INPP4B: variants seen among roughly 807,000 people sequenced by gnomAD.
The protein encoded by INPP4B is inositol polyphosphate 4-phosphatase type II.
Under a neutral mutation model 122.5 loss-of-function variants are expected in INPP4B, and 55 were observed. The ratio of observed to expected loss-of-function variants is 0.45; its 90% CI spans 0.36 to 0.56. INPP4B has a LOEUF of 0.56. INPP4B is among the 20% of genes least tolerant of loss of function. INPP4B has a pLI of 0.00. For missense variants in INPP4B, 1,000 were observed against 1,097.7 expected (o/e 0.91, Z 1.26); for synonymous variants, 403 against 388.7 (o/e 1.04, Z -0.43).
chr4:142,226,858 T>A (rs1851815803), intron 12 of INPP4B, among the ~76,000 whole-genome samples: 1 of 152,206 alleles, frequency 6.6e-6, no homozygotes, highest in East Asian at 1.9e-4. Context: ...AAGGACATGT[T>A]CTACACTCCT....
chr4:142,202,096 A>G (rs1420722393), intron 14 of INPP4B, among the ~76,000 whole-genome samples: 1 of 152,028 alleles, frequency 6.6e-6, no homozygotes, highest in Non-Finnish European at 1.5e-5. Flanking sequence ...CTTTGTGAAA[A>G]TTGCATAGTA....
At chr4:142,449,175 C>T (rs1418313600) in intron 3 of INPP4B, among the ~76,000 whole-genome samples, 2 of 152,152 alleles carry the variant, frequency 1.3e-5, no homozygotes, top group African/African-American at 2.4e-5. Context: ...GGCAACCATT[C>T]CAGCTGCAGA....
intron 7 of INPP4B, among the ~76,000 whole-genome samples, chr4:142,369,448 T>C (rs1157539072): frequency 6.6e-6 from 1 of 151,518 alleles, no homozygotes; most frequent in African/African-American, 2.4e-5. Context: ...CGTGGTGGCA[T>C]GCCTGTAGTC....
rs1579678209 is a variant in INPP4B, at chr4:142,305,887, G to A, written c.424-350C>T. On this transcript the variant is annotated intron_variant, in intron 8 of 25. Coordinates refer to ENST00000262992, the MANE Select transcript of INPP4B (RefSeq NM_001101669.3). ...ATTTTCCATATTTACCAATGCTGTT[G>A]TTCCTCTTATTAGAATTCCTCAAAT... 3.8e-6 allele frequency: 4 copies of A among 1,060,242 alleles called. No individual in the cohort carries two copies. The South Asian group carries it at 8.5e-5, about 22-fold the overall frequency. The allele number at this position is 1,060,242 out of a possible 1,614,324, so 65.7% of individuals were successfully genotyped here.
At chr4:142,059,420 A>T (rs2152429569) in intron 25 of INPP4B, among the ~76,000 whole-genome samples, 1 of 152,230 alleles carries the variant, frequency 6.6e-6, no homozygotes, top group South Asian at 2.1e-4. Context: ...TTCGTACTTA[A>T]TACCCTAAAA....
chr4:142,046,192 A>G (rs985365738), intron 25 of INPP4B, among the ~76,000 whole-genome samples: 1 of 152,168 alleles, frequency 6.6e-6, no homozygotes, highest in Non-Finnish European at 1.5e-5. Flanking sequence ...AAAAAGTGTT[A>G]TTTATAGCAA....
At chr4:142,692,471 C>T (rs993051942) in intron 2 of INPP4B, among the ~76,000 whole-genome samples, 1 of 152,132 alleles carries the variant, frequency 6.6e-6, no homozygotes, top group Non-Finnish European at 1.5e-5. Context: ...GAGGCCTAGA[C>T]GGGAGGATCG....
intron 1 of INPP4B, among the ~76,000 whole-genome samples, chr4:142,781,971 T>A (rs993650931): frequency 1.3e-5 from 2 of 149,892 alleles, no homozygotes; most frequent in Admixed American, 6.6e-5. Context: ...TTATTTTTTT[T>A]ATTTTTTAAT....
At chr4:142,486,622 C>G (rs371861148) in intron 2 of INPP4B, among the ~76,000 whole-genome samples, 1 of 151,966 alleles carries the variant, frequency 6.6e-6, no homozygotes, top group Admixed American at 6.6e-5. Context: ...TATAGAAACT[C>G]TAATTTATCA....
intron 16 of INPP4B, among the ~76,000 whole-genome samples, chr4:142,171,162 T>C (rs1825449249): frequency 6.6e-6 from 1 of 151,300 alleles, no homozygotes; most frequent in African/African-American, 2.4e-5. Context: ...CAAAATAGAA[T>C]ACCTCCTTCT....
intron 2 of INPP4B, among the ~76,000 whole-genome samples, chr4:142,626,464 C>A (rs1022510232): frequency 1.3e-5 from 2 of 151,920 alleles, no homozygotes; most frequent in African/African-American, 4.8e-5. Flanking sequence ...CTGAGATCAA[C>A]CCCCAGCCAA....
At chr4:142,032,357 C>A (rs1465309457) in intron 25 of INPP4B, among the ~76,000 whole-genome samples, 1 of 151,902 alleles carries the variant, frequency 6.6e-6, no homozygotes, top group East Asian at 1.9e-4. Flanking sequence ...CAGTTATGGA[C>A]CCCATTTCCA....
chr4:142,673,035 G>A (rs1349919966), intron 2 of INPP4B, among the ~76,000 whole-genome samples: 1 of 152,016 alleles, frequency 6.6e-6, no homozygotes, highest in African/African-American at 2.4e-5. Context: ...ACATCACATG[G>A]CCATCCTACT....
intron 23 of INPP4B, among the ~76,000 whole-genome samples, chr4:142,088,348 C>T (rs1400502178): frequency 6.6e-6 from 1 of 152,084 alleles, no homozygotes; most frequent in South Asian, 2.1e-4. Flanking sequence ...TAAATGGCAA[C>T]CAAAACAAAC....
Position 142,624,535 on chromosome 4 carries a change from G to T in INPP4B, c.-191+101304C>A, listed in dbSNP as rs571058236. On this transcript the variant is annotated intron_variant, in intron 2 of 25. Coordinates refer to ENST00000262992, the MANE Select transcript of INPP4B (RefSeq NM_001101669.3). ...TCCAGGACCAGATGGATTCACAGCCGAATTCTATCAGAGGTACAAGAAGGA... is the reference window on the plus strand; with the variant it reads ...TCCAGGACCAGATGGATTCACAGCCTAATTCTATCAGAGGTACAAGAAGGA... 8.5e-5 allele frequency among the ~76,000 whole-genome samples: 13 copies of T among 152,118 alleles called. No homozygotes were observed. In the South Asian group the frequency reaches 2.7e-3, roughly 32 times the overall value.
intron 1 of INPP4B, among the ~76,000 whole-genome samples, chr4:142,809,853 A>C (rs1436023195): frequency 6.6e-6 from 1 of 151,936 alleles, no homozygotes; most frequent in African/African-American, 2.4e-5. Context: ...AATCCACGGG[A>C]TATTACATGG....
At chr4:142,606,129 T>G (rs1452886827) in intron 2 of INPP4B, among the ~76,000 whole-genome samples, 1 of 151,834 alleles carries the variant, frequency 6.6e-6, no homozygotes, top group Non-Finnish European at 1.5e-5. Context: ...TTAAGTTAAG[T>G]GAAATAAGCC....
chr4:142,031,742 C>T (rs962063211), intron 25 of INPP4B, among the ~76,000 whole-genome samples: 2 of 152,048 alleles, frequency 1.3e-5, no homozygotes, highest in African/African-American at 2.4e-5. Context: ...AGAAAAGCTC[C>T]CCTTACATTA....
intron 17 of INPP4B, among the ~76,000 whole-genome samples, chr4:142,152,947 T>C (rs564588866): frequency 5.3e-5 from 8 of 152,318 alleles, no homozygotes; most frequent in African/African-American, 1.9e-4. Flanking sequence ...ATTGACTGAC[T>C]TACTAATCTG....
Sources: gnomAD v4.1 joint callset for allele counts (sites outside exome capture counted in the v4.1 genomes callset) on GRCh38, gnomAD v4.1.1 for gene constraint, MANE v1.5 for transcripts, NCBI Gene and HGNC (gene_info 2026-07-23, HGNC 2026-07-21) for gene names.